Variants in NOX4 observed in about 807,000 individuals in gnomAD.
NOX4 encodes NADPH oxidase 4, also known as kidney oxidase-1.
Under a neutral mutation model 87.6 loss-of-function variants are expected in NOX4, and 69 were observed. That is an observed-to-expected ratio of 0.79 (90% confidence interval 0.65 to 0.96). The LOEUF (loss-of-function observed/expected upper bound fraction) is 0.96, where lower values mean the gene tolerates loss of function less well. Among genes scored for constraint, NOX4 ranks in the 40% least tolerant of loss-of-function variants. The pLI is 0.00. For missense variants in NOX4, 680 were observed against 681.5 expected (o/e 1.00, Z 0.02); for synonymous variants, 275 against 238.2 (o/e 1.15, Z -1.42).
chr11:89,385,596 A>G (rs1039328379), intron 11 of NOX4, among the ~76,000 whole-genome samples: 2 of 151,574 alleles, frequency 1.3e-5, no homozygotes, highest in Admixed American at 1.3e-4. Context: ...GCCTCTTAAA[A>G]CCTCTCATTT....
chr11:89,432,332 T>A (rs1246290128), intron 7 of NOX4, among the ~76,000 whole-genome samples: 1 of 151,920 alleles, frequency 6.6e-6, no homozygotes, highest in Non-Finnish European at 1.5e-5. Flanking sequence ...ACATGTACCC[T>A]AGAACTTAAA....
chr11:89,357,631 C>T (rs770551653), intron 12 of NOX4, among the ~76,000 whole-genome samples: 24 of 152,022 alleles, frequency 1.6e-4, no homozygotes, highest in Non-Finnish European at 3.2e-4. Context: ...AAGAACTTTA[C>T]ATATCAGGTA....
intron 5 of NOX4, among the ~76,000 whole-genome samples, chr11:89,442,753 A>G (rs747168951): frequency 3.2e-4 from 49 of 152,336 alleles, no homozygotes; most frequent in Admixed American, 5.9e-4. Flanking sequence ...AAGAAAATAA[A>G]TTTAATAACT....
upstream of NOX4, among the ~76,000 whole-genome samples, chr11:89,501,033 A>G (rs1228794398): frequency 6.6e-6 from 1 of 152,060 alleles, no homozygotes; most frequent in Non-Finnish European, 1.5e-5. Context: ...ACATATGCCA[A>G]CTTGGAAATA....
At chr11:89,521,103 T>C in the NOX4 span, among the ~76,000 whole-genome samples, 2 of 152,152 alleles carry the variant, frequency 1.3e-5, no homozygotes, top group South Asian at 2.1e-4. Flanking sequence ...ATTGTTAGAA[T>C]GGCCATATTG....
intron 12 of NOX4, among the ~76,000 whole-genome samples, chr11:89,358,719 T>C (rs1273465637): frequency 1.3e-5 from 2 of 151,276 alleles, no homozygotes; most frequent in Non-Finnish European, 2.9e-5. Context: ...TATTTGATTA[T>C]GAGGAAAAGG....
the NOX4 span, among the ~76,000 whole-genome samples, chr11:89,565,972 G>T: frequency 6.6e-6 from 1 of 151,326 alleles, no homozygotes; most frequent in Non-Finnish European, 1.5e-5. Flanking sequence ...TGCTGGATTT[G>T]TGCACTAATG....
chr11:89,586,448 C>G, the NOX4 span, among the ~76,000 whole-genome samples: 1 of 152,148 alleles, frequency 6.6e-6, no homozygotes, highest in Non-Finnish European at 1.5e-5. Flanking sequence ...AATCACCCAA[C>G]TAAGTGTCAG....
At chr11:89,485,726 A>G (rs1946563900) in intron 2 of NOX4, among the ~76,000 whole-genome samples, 1 of 152,198 alleles carries the variant, frequency 6.6e-6, no homozygotes, top group African/African-American at 2.4e-5. Flanking sequence ...TTAAGCAATC[A>G]ATGAAGTGAC....
chr11:89,489,913 A>C (rs892252098), intron 2 of NOX4, among the ~76,000 whole-genome samples: 5 of 152,192 alleles, frequency 3.3e-5, no homozygotes, highest in Non-Finnish European at 7.4e-5. Flanking sequence ...AATCAGAAAA[A>C]AGTTTTGCCC....
chr11:89,329,388 A>C (rs567632871), intron 17 of NOX4, among the ~76,000 whole-genome samples: 1 of 150,248 alleles, frequency 6.7e-6, no homozygotes, highest in African/African-American at 2.4e-5. Context: ...ACAGAGCATA[A>C]GTGGCCTGTG....
At chr11:89,430,859 A>G (rs1591222760) in intron 7 of NOX4, among the ~76,000 whole-genome samples, 1 of 152,318 alleles carries the variant, frequency 6.6e-6, no homozygotes, top group South Asian at 2.1e-4. Context: ...AACTACTTTA[A>G]AGTTCATATG....
intron 2 of NOX4, among the ~76,000 whole-genome samples, chr11:89,467,539 T>C (rs1172338275): frequency 6.6e-6 from 1 of 152,100 alleles, no homozygotes; most frequent in Non-Finnish European, 1.5e-5. Flanking sequence ...GCAGATTCAG[T>C]GTCTGGTTAG....
At chr11:89,365,887 G>A (rs980232245) in intron 12 of NOX4, among the ~76,000 whole-genome samples, 3 of 151,850 alleles carry the variant, frequency 2.0e-5, no homozygotes, top group African/African-American at 7.3e-5. Flanking sequence ...CAGCCATGTA[G>A]TGAGTCTTCT....
At chr11:89,411,903 T>C (rs1285183975) in intron 8 of NOX4, among the ~76,000 whole-genome samples, 1 of 152,026 alleles carries the variant, frequency 6.6e-6, no homozygotes, top group Non-Finnish European at 1.5e-5. Flanking sequence ...AAAGACCCAA[T>C]GATCTGCTGG....
intron 12 of NOX4, among the ~76,000 whole-genome samples, chr11:89,371,378 G>A (rs1175292342): frequency 6.6e-6 from 1 of 151,778 alleles, no homozygotes. Context: ...CATTAAAAAG[G>A]GAGAATAAAA....
At chr11:89,407,094 T>A (rs946137679) in intron 8 of NOX4, among the ~76,000 whole-genome samples, 3 of 152,118 alleles carry the variant, frequency 2.0e-5, no homozygotes, top group African/African-American at 7.2e-5. Context: ...AACCTCTGCA[T>A]CCCTCTAATA....
chr11:89,414,896 A>G (rs1376109910), intron 8 of NOX4, among the ~76,000 whole-genome samples: 1 of 151,932 alleles, frequency 6.6e-6, no homozygotes, highest in Non-Finnish European at 1.5e-5. Flanking sequence ...ATAGAAAAAT[A>G]TATCCTAGAT....
chr11:89,582,793 T>C, the NOX4 span, among the ~76,000 whole-genome samples: 2 of 152,184 alleles, frequency 1.3e-5, no homozygotes, highest in African/African-American at 2.4e-5. Context: ...GAATCCTGAA[T>C]GCTGCTGTTG....
Sources: gnomAD v4.1 joint callset for allele counts (sites outside exome capture counted in the v4.1 genomes callset) on GRCh38, gnomAD v4.1.1 for gene constraint, MANE v1.5 for transcripts, NCBI Gene and HGNC (gene_info 2026-07-23, HGNC 2026-07-21) for gene names.